The following FOXN1 variants were observed in gnomAD, a reference collection of about 807,000 sequenced individuals.
The protein encoded by FOXN1 is forkhead box N1.
In FOXN1, 15 loss-of-function variants were observed where a neutral mutation model predicts 49.0. The observed-to-expected ratio is 0.31, with a 90% CI of 0.20 to 0.47. The LOEUF is 0.47. Ranked by LOEUF, FOXN1 falls within the 20% of genes least tolerant of loss-of-function variation. The pLI is 1.00. For synonymous variants in FOXN1, 356 were observed against 369.0 expected (o/e 0.96, Z 0.40); for missense variants, 800 against 842.8 (o/e 0.95, Z 0.63).
In FOXN1 at chr17:28,529,103, G is replaced by C; in HGVS notation, c.709G>C (p.Gly237Arg). ...SQPPFHQYSP[G>R]GGSYPIPYLG... ...CTTTTGACCTCCTCAGTACTCGCCA[G>C]GTGGTGGCAGCTACCCCATACCCTA... is the stretch of plus-strand genomic sequence containing the variant. The change falls in exon 5 of 9, where the codon GGT (glycine) becomes CGT (arginine). Residue 237 changes from glycine (G) to arginine (R), a missense_variant. Physicochemically the swap from Gly to Arg is moderately radical, Grantham distance 125. Transcript: ENST00000579795. 1 of 1,614,174 alleles carries C rather than the reference G, an allele frequency of 6.2e-7. No individual in the cohort carries two copies. Among genetic ancestry groups the C allele is most frequent in the African/African-American group, 1.3e-5 (1 of 75,042 alleles).
At chr17:28,530,681 G>T (rs891631381) in intron 5 of FOXN1, 68 bp from the exon 6 acceptor site, 22 of 846,346 alleles carry the variant, frequency 2.6e-5, no homozygotes, top group Non-Finnish European at 4.0e-5. Flanking sequence ...CACCAGGGGT[G>T]GGGGGCTTGG....
intron 4 of FOXN1, 77 bp from the exon 5 acceptor site, chr17:28,529,017 T>G: frequency 6.3e-7 from 1 of 1,577,534 alleles, no homozygotes; most frequent in Non-Finnish European, 8.7e-7. Flanking sequence ...TCTCTGGATG[T>G]ATATAAATGG....
At chr17:28,524,128 A>G in intron 2 of FOXN1, 36 bp downstream of exon 2, 1 of 1,553,402 alleles carries the variant, frequency 6.4e-7, no homozygotes, top group African/African-American at 1.4e-5. Context: ...GTTTAGGCCA[A>G]GGCCTGCGGC....
At chr17:28,519,882 G>A (rs752048085) in intron 1 of FOXN1, among the ~76,000 whole-genome samples, 29 of 152,132 alleles carry the variant, frequency 1.9e-4, no homozygotes, top group Non-Finnish European at 3.7e-4. Context: ...CCTGGAGGTA[G>A]AAGGTAGGAG....
rs10527420 is a variant in FOXN1, at chr17:28,523,792, T to TTCTCTCTCTCTC, written c.-14-135_-14-124dup. The TTCTCTCTCTCTC allele has an allele frequency of 1.4e-3, 925 of 650,180 alleles. 5 individuals carry two copies. Among genetic ancestry groups the TTCTCTCTCTCTC allele is most frequent in the African/African-American group, 7.5e-3 (389 of 51,708 alleles). 40.3% of individuals were successfully genotyped at this position (650,180 alleles called of 1,614,324 possible). A position where few individuals can be genotyped will look rare whatever the true frequency, so the allele number is the denominator to read the frequency against. On this transcript the variant is annotated intron_variant, in intron 1 of 8. Transcript: ENST00000579795. Reference sequence around the variant, plus strand: ...TCTCTTTCTCTCTCTCGCTCTCTGGTTCTCTCTCTCTCTCTCTCTCTCTCT... The same window carrying TTCTCTCTCTCTC: ...TCTCTTTCTCTCTCTCGCTCTCTGGTTCTCTCTCTCTCTCTCTCTCTCTCTCTCTCTCTCTCT...
chr17:28,530,193 A>T (rs1209306008), intron 5 of FOXN1, among the ~76,000 whole-genome samples: 1 of 152,152 alleles, frequency 6.6e-6, no homozygotes, highest in East Asian at 1.9e-4. Flanking sequence ...TAAAAAAAAT[A>T]AAAATATAAG....
At chr17:28,516,784 A>C (rs1320726566) in intron 1 of FOXN1, among the ~76,000 whole-genome samples, 168 of 42,208 alleles carry the variant, frequency 4.0e-3, no homozygotes, top group East Asian at 7.7e-3. Context: ...CATACCTCAA[A>C]AGGGTACACA....
chr17:28,524,193 C>G (rs1220170129), intron 2 of FOXN1, 101 bp downstream of exon 2: 3 of 1,210,046 alleles, frequency 2.5e-6, no homozygotes, highest in Non-Finnish European at 3.5e-6. Context: ...CCTCCCAGGG[C>G]CTGTCTTGTC....
chr17:28,533,734 T>C (rs1265341786), intron 6 of FOXN1, among the ~76,000 whole-genome samples: 1 of 152,140 alleles, frequency 6.6e-6, no homozygotes, highest in Non-Finnish European at 1.5e-5. Flanking sequence ...GCACTGTCCC[T>C]TCATATACCA....
In FOXN1 at chr17:28,527,260, G is replaced by A; in HGVS notation, c.598G>A (p.Val200Ile). The A allele has an allele frequency of 6.2e-7, 1 of 1,612,348 alleles. No individual in the cohort carries two copies. The highest frequency in any genetic ancestry group is 8.5e-7 in the Non-Finnish European group (1 of 1,178,364). Residue 200 changes from valine to isoleucine, a missense_variant, in exon 4 of 9, where the codon GTC becomes ATC. Val to Ile is a conservative substitution (Grantham distance 29). Coordinates refer to ENST00000579795, the MANE Select transcript of FOXN1 (RefSeq NM_001369369.1). ...EHGPQVLGSE[V>I]KVKPPVLESG... The stretch of plus-strand genomic sequence containing the variant: ...CTTTCTCTTCCAGCAGGGTTCAGAG[G>A]TCAAAGTCAAGCCCCCAGTTCTGGA...
chr17:28,507,263 T>C (rs559722270), intron 1 of FOXN1, among the ~76,000 whole-genome samples: 2 of 152,240 alleles, frequency 1.3e-5, no homozygotes, highest in Admixed American at 1.3e-4. Context: ...CCCCACCCAC[T>C]ACCCGCTCAG....
intron 6 of FOXN1, among the ~76,000 whole-genome samples, chr17:28,533,485 A>AC (rs3837849): frequency 0.019 from 2,422 of 126,342 alleles, 153 homozygotes; most frequent in African/African-American, 0.061. Flanking sequence ...TGGCACGAGC[A>AC]CCCCCCCCCA....
At chr17:28,524,452 C>T in intron 2 of FOXN1, 51 bp from the exon 3 acceptor site, 1 of 1,513,312 alleles carries the variant, frequency 6.6e-7, no homozygotes. Flanking sequence ...AGCCAGTCCC[C>T]AGGCCTGGTT....
chr17:28,534,377 T>C lies in FOXN1; in HGVS notation c.974T>C (p.Leu325Pro), dbSNP rs1597566470. 6.2e-7 allele frequency: 1 copy of C among 1,614,050 alleles called. No individual in the cohort carries two copies. Among genetic ancestry groups the C allele is most frequent in the Non-Finnish European group, 8.5e-7 (1 of 1,179,990 alleles). The change falls in exon 7 of 9, where the codon CTC becomes CCC. Residue 325 changes from leucine to proline, a missense_variant. By Grantham distance (98) the Leu-to-Pro change is moderately conservative. Transcript: ENST00000579795. The surrounding 1 kb of genome is among the most constrained non-coding windows in gnomAD (Gnocchi z 4.1). ...WKNSVRHNLSLNKCFEKVENK... is the reference protein window; with the variant it reads ...WKNSVRHNLSPNKCFEKVENK... ...AATTCTGTCCGGCACAACCTATCCC[T>C]CAACAAGTGCTTCGAGAAGGTGGAG...
rs2002887 is a variant in FOXN1, at chr17:28,528,980, G to A, written c.700-114G>A. 128,688 of 1,393,344 alleles carry A rather than the reference G, an allele frequency of 0.092. 7,600 individuals carry two copies. The highest frequency in any genetic ancestry group is 0.24 in the East Asian group (10,561 of 43,550). The allele number at this position is 1,393,344 out of a possible 1,614,324, so 86.3% of individuals were successfully genotyped here. ...TGGGGGTGATGGGGCCCATGACCCA[G>A]GAGGGAAGAATCTGGCCTGAGCCCC... is the stretch of plus-strand genomic sequence containing the variant. On this transcript the variant is annotated intron_variant, in intron 4 of 8. Transcript: ENST00000579795.
At chr17:28,508,792 G>C (rs1457819644) in intron 1 of FOXN1, among the ~76,000 whole-genome samples, 1 of 152,136 alleles carries the variant, frequency 6.6e-6, no homozygotes, top group Non-Finnish European at 1.5e-5. Context: ...CATAACAAAA[G>C]GATGGAGGGG....
At chr17:28,514,639 G>C (rs988988865) in intron 1 of FOXN1, among the ~76,000 whole-genome samples, 1 of 151,360 alleles carries the variant, frequency 6.6e-6, no homozygotes, top group African/African-American at 2.4e-5. Context: ...GCCAGCACCC[G>C]GCCGGCCGAG....
chr17:28,511,357 G>A (rs1428758051), intron 1 of FOXN1, among the ~76,000 whole-genome samples: 5 of 152,192 alleles, frequency 3.3e-5, no homozygotes, highest in African/African-American at 1.2e-4. Context: ...AATGTGAGAG[G>A]CCCCTGGCCC....
Position 28,537,103 on chromosome 17 carries a change from CCT to C in FOXN1, c.1628-13_1628-12del. 3 of 1,611,842 alleles carry C rather than the reference CCT, an allele frequency of 1.9e-6. No individual in the cohort carries two copies. The highest frequency in any genetic ancestry group is 2.5e-6 in the Non-Finnish European group (3 of 1,177,844). ...TGCCTCCCAGTGACACCTGTTCTCT[CCT>C]TCCCCATCTAGGAAACCTGTGGGAA... is the stretch of plus-strand genomic sequence containing the variant. On this transcript the variant is annotated splice_polypyrimidine_tract_variant and intron_variant, in intron 8 of 8. Coordinates refer to ENST00000579795, the MANE Select transcript of FOXN1 (RefSeq NM_001369369.1).
Sources: allele counts gnomAD v4.1 joint callset (sites outside exome capture counted in the v4.1 genomes callset), GRCh38; gene constraint gnomAD v4.1.1; non-coding constraint Gnocchi (gnomAD v3.1); transcripts MANE v1.5; gene names NCBI Gene and HGNC (gene_info 2026-07-23, HGNC 2026-07-21).